ZDHHC14: variants seen among roughly 807,000 people sequenced by gnomAD.
ZDHHC14 encodes the protein palmitoyltransferase ZDHHC14.
In ZDHHC14, 16 loss-of-function variants were observed where a neutral mutation model predicts 47.7. That is an observed-to-expected ratio of 0.34 (90% CI 0.23 to 0.51). The LOEUF is 0.51. Among genes scored for constraint, ZDHHC14 ranks in the 20% least tolerant of loss-of-function variants. ZDHHC14 has a pLI of 0.97. For missense variants in ZDHHC14, 515 were observed against 662.5 expected, an observed-to-expected ratio of 0.78 and a Z score of 2.44; for synonymous variants, 293 against 278.9, an observed-to-expected ratio of 1.05 and a Z score of -0.50.
intron 1 of ZDHHC14, among the ~76,000 whole-genome samples, chr6:157,511,529 C>T (rs1222897948): frequency 1.4e-5 from 2 of 146,910 alleles, no homozygotes; most frequent in Non-Finnish European, 3.0e-5. Context: ...TACAGGCATG[C>T]GCCACGAAGC....
intron 7 of ZDHHC14, among the ~76,000 whole-genome samples, chr6:157,647,624 C>T (rs1562527705): frequency 1.3e-5 from 2 of 152,320 alleles, no homozygotes; most frequent in South Asian, 4.1e-4. Flanking sequence ...AGACAGATGC[C>T]TGTGGCCCTG....
chr6:157,545,717 G>A (rs1161854810), intron 2 of ZDHHC14, among the ~76,000 whole-genome samples: 1 of 151,976 alleles, frequency 6.6e-6, no homozygotes, highest in Admixed American at 6.6e-5. Flanking sequence ...AGGGAGAGAG[G>A]AAAAAGATGG....
intron 1 of ZDHHC14, among the ~76,000 whole-genome samples, chr6:157,514,214 A>G (rs1780596390): frequency 6.6e-6 from 1 of 152,210 alleles, no homozygotes; most frequent in Non-Finnish European, 1.5e-5. Context: ...CAGGGCTCTC[A>G]ATTTTTTGGG....
At chr6:157,635,063 G>A (rs750877665) in intron 5 of ZDHHC14, among the ~76,000 whole-genome samples, 2 of 151,858 alleles carry the variant, frequency 1.3e-5, no homozygotes, top group Admixed American at 6.6e-5. Flanking sequence ...GCACGATCTC[G>A]GCTCACTGCA....
At chr6:157,436,582 G>GA (rs1778443067) in intron 1 of ZDHHC14, among the ~76,000 whole-genome samples, 1 of 139,170 alleles carries the variant, frequency 7.2e-6, no homozygotes, top group Non-Finnish European at 1.6e-5. Context: ...ACTGCTGGGG[G>GA]AGGGGGGGCG....
chr6:157,595,707 G>A (rs563254065), intron 3 of ZDHHC14, among the ~76,000 whole-genome samples: 93 of 152,220 alleles, frequency 6.1e-4, no homozygotes, highest in South Asian at 8.3e-4. Flanking sequence ...CCCCAGTGAC[G>A]GTGTACTTCT....
intron 1 of ZDHHC14, among the ~76,000 whole-genome samples, chr6:157,472,955 G>A (rs1362772037): frequency 6.6e-6 from 1 of 152,152 alleles, no homozygotes; most frequent in Non-Finnish European, 1.5e-5. Flanking sequence ...ATATTTTGCA[G>A]GCACTATGCT....
At chr6:157,634,897 G>A (rs1290610105) in intron 5 of ZDHHC14, among the ~76,000 whole-genome samples, 2 of 152,238 alleles carry the variant, frequency 1.3e-5, no homozygotes, top group African/African-American at 2.4e-5. Flanking sequence ...TGTCTGGCCT[G>A]CTGGCGGCTT....
At chr6:157,556,832 G>A (rs544859031) in intron 2 of ZDHHC14, among the ~76,000 whole-genome samples, 2 of 152,310 alleles carry the variant, frequency 1.3e-5, no homozygotes, top group South Asian at 2.1e-4. Context: ...AGGCCCGGGC[G>A]GGTTCCAGGC....
At chr6:157,488,328 TCC>T in intron 1 of ZDHHC14, among the ~76,000 whole-genome samples, 1 of 152,314 alleles carries the variant, frequency 6.6e-6, no homozygotes, top group African/African-American at 2.4e-5. Flanking sequence ...GCCGGGTTTC[TCC>T]CCGACTTGAA....
At chr6:157,486,890 G>A (rs756620072) in intron 1 of ZDHHC14, among the ~76,000 whole-genome samples, 13 of 152,200 alleles carry the variant, frequency 8.5e-5, no homozygotes, top group South Asian at 2.1e-4. Flanking sequence ...GTGAGGAGAC[G>A]CAGGAGGATG....
chr6:157,622,288 G>A (rs1785228189), intron 3 of ZDHHC14, among the ~76,000 whole-genome samples: 1 of 151,952 alleles, frequency 6.6e-6, no homozygotes, highest in Non-Finnish European at 1.5e-5. Flanking sequence ...CACTCGGGAG[G>A]CTGAGGCAGG....
chr6:157,517,322 T>TG (rs1384462779), intron 1 of ZDHHC14, among the ~76,000 whole-genome samples: 1 of 18,966 alleles, frequency 5.3e-5, no homozygotes, highest in Admixed American at 6.6e-4. Flanking sequence ...ATAGTATCTC[T>TG]TTTTTTTTTT....
chr6:157,452,810 C>T (rs1016632337), intron 1 of ZDHHC14, among the ~76,000 whole-genome samples: 2 of 144,454 alleles, frequency 1.4e-5, no homozygotes, highest in African/African-American at 2.6e-5. Flanking sequence ...TCAAGCGATT[C>T]TCGTGCTTCC....
chr6:157,471,493 A>G (rs1034417631), intron 1 of ZDHHC14, among the ~76,000 whole-genome samples: 3 of 152,358 alleles, frequency 2.0e-5, no homozygotes, highest in Middle Eastern at 3.4e-3. Context: ...TCACAGGGCA[A>G]TTCCAGCATC....
In ZDHHC14 at chr6:157,382,213, C is replaced by T. The variant is rs752545950; in HGVS notation, c.192C>T (p.Phe64=). The T allele has an allele frequency of 1.9e-6, 3 of 1,613,274 alleles. No individual in the cohort carries two copies. The highest frequency in any genetic ancestry group is 2.2e-5 in the South Asian group (2 of 91,032). The stretch of plus-strand genomic sequence containing the variant: ...TGATGGCCCGGCAGACGGGCGTCTT[C>T]TACCTGACGCTCGTCCTCATCCTGG... ...RIMMARQTGV[F]YLTLVLILVT... Residue 64 remains phenylalanine (F), a synonymous_variant, in exon 1 of 9, where the codon TTC becomes TTT. Coordinates refer to ENST00000359775, the MANE Select transcript of ZDHHC14 (RefSeq NM_024630.3).
In ZDHHC14 at chr6:157,677,641, C is replaced by T. The variant is rs1413521016; in HGVS notation, c.*4519C>T. On this transcript the variant is annotated 3_prime_UTR_variant, in exon 9 of 9. Coordinates refer to ENST00000359775, the MANE Select transcript of ZDHHC14 (RefSeq NM_024630.3). ...CAGAATGGATTGAAAAGCAGACAAG[C>T]ATCTTGTGCTATTGCAGAGACTTTT... 1 of 152,134 alleles carries T rather than the reference C, an allele frequency of 6.6e-6. No individual in the cohort carries two copies. The highest frequency in any genetic ancestry group is 1.5e-5 in the Non-Finnish European group (1 of 68,026). The allele number at this position is 152,134 out of a possible 1,614,324, so 9.4% of individuals were successfully genotyped here.
At chr6:157,524,235 T>G (rs549995959) in intron 1 of ZDHHC14, among the ~76,000 whole-genome samples, 1 of 152,160 alleles carries the variant, frequency 6.6e-6, no homozygotes, top group East Asian at 1.9e-4. Context: ...GTTCAAGAAT[T>G]CTCCTGCCTC....
At chr6:157,514,926 G>T (rs575193423) in intron 1 of ZDHHC14, among the ~76,000 whole-genome samples, 6 of 152,352 alleles carry the variant, frequency 3.9e-5, no homozygotes, top group African/African-American at 1.2e-4. Context: ...GACTTGGCAG[G>T]TCCGGAGACT....
Sources: gnomAD v4.1 joint callset for allele counts (sites outside exome capture counted in the v4.1 genomes callset) on GRCh38, gnomAD v4.1.1 for gene constraint, MANE v1.5 for transcripts, NCBI Gene and HGNC (gene_info 2026-07-23, HGNC 2026-07-21) for gene names.